CALN1: variants seen among roughly 807,000 people sequenced by gnomAD.
The protein encoded by CALN1 is calcium-binding protein 8.
A neutral mutation model predicts 30.6 loss-of-function variants in CALN1; 17 were observed. The observed-to-expected ratio is 0.56, with a 90% CI of 0.38 to 0.83. The LOEUF (loss-of-function observed/expected upper bound fraction) is 0.83, where lower values mean the gene tolerates loss of function less well. Among genes scored for constraint, CALN1 ranks in the 40% least tolerant of loss-of-function variants. The pLI is 0.00. For missense variants in CALN1, 291 were observed against 354.9 expected, an observed-to-expected ratio of 0.82 and a Z score of 1.45; for synonymous variants, 156 against 131.4, an observed-to-expected ratio of 1.19 and a Z score of -1.28.
At position 71,927,996 on chromosome 7, in the gene CALN1, G is replaced by A. The variant is rs1474608109; in HGVS notation, c.501+95661C>T. On this transcript the variant is annotated intron_variant, in intron 5 of 6. Coordinates refer to ENST00000395275, the MANE Select transcript of CALN1 (RefSeq NM_031468.4). ...CAATGGTCTTTACCTGTGTCCTAGT[G>A]ACCACAAGGTTTGCTCCCCTTCTCC... Among the ~76,000 whole-genome samples the A allele has an allele frequency of 2.0e-5, 3 of 152,074 alleles. No homozygotes were observed. In the East Asian group the frequency reaches 5.8e-4, roughly 29 times the overall value.
At chr7:72,030,313 C>T (rs775922186) in intron 4 of CALN1, among the ~76,000 whole-genome samples, 10 of 152,108 alleles carry the variant, frequency 6.6e-5, no homozygotes, top group Non-Finnish European at 1.5e-4. Flanking sequence ...AGCTGTCTCC[C>T]GATATTTCTC....
intron 1 of CALN1, among the ~76,000 whole-genome samples, chr7:72,437,525 A>AGT (rs9297115): frequency 0.015 from 2,264 of 150,704 alleles, 53 homozygotes; most frequent in African/African-American, 0.048. Context: ...AGTTGTGTGG[A>AGT]GTGTGTGTGT....
chr7:72,091,131 C>G (rs1805830782), intron 4 of CALN1, among the ~76,000 whole-genome samples: 1 of 152,072 alleles, frequency 6.6e-6, no homozygotes, highest in Non-Finnish European at 1.5e-5. Context: ...GAATTTGAGG[C>G]CAGACTGGCC....
intron 5 of CALN1, among the ~76,000 whole-genome samples, chr7:71,831,531 A>C (rs1297370114): frequency 6.6e-6 from 1 of 152,090 alleles, no homozygotes; most frequent in Admixed American, 6.6e-5. Context: ...ATATGATAAG[A>C]ATAACCATAA....
rs35581465 is a variant in CALN1 at position 71,899,145 on chromosome 7, CTT to C, written c.502-88655_502-88654del. Among the ~76,000 whole-genome samples the C allele has an allele frequency of 8.7e-3, 1,184 of 135,488 alleles. 12 individuals are homozygous for C. The highest frequency in any genetic ancestry group is 0.03 in the African/African-American group (1,084 of 36,074). The allele number at this position is 135,488 out of a possible 152,430, so 88.9% of individuals were successfully genotyped here. A position where few individuals can be genotyped will look rare whatever the true frequency, so the allele number is the denominator to read the frequency against. On this transcript the variant is annotated intron_variant, in intron 5 of 6. Transcript: ENST00000395275. The stretch of plus-strand genomic sequence containing the variant: ...CCCTCCCAGGCCCCTGCAGAGACAT[CTT>C]TTTTTTTTTTTTTTTGAGACGGAGT...
chr7:71,987,392 G>A (rs536150974), intron 5 of CALN1, among the ~76,000 whole-genome samples: 10 of 152,316 alleles, frequency 6.6e-5, no homozygotes, highest in African/African-American at 2.2e-4. Context: ...GGCCCCCAGG[G>A]GTGGGCTAGG....
At chr7:72,428,612 A>G (rs1465400875) in intron 1 of CALN1, among the ~76,000 whole-genome samples, 2 of 152,126 alleles carry the variant, frequency 1.3e-5, no homozygotes, top group African/African-American at 4.8e-5. Context: ...GGCTGGTCTC[A>G]GTCAGCACTG....
intron 2 of CALN1, among the ~76,000 whole-genome samples, chr7:72,319,636 T>C (rs1489701610): frequency 6.6e-6 from 1 of 152,108 alleles, no homozygotes; most frequent in Non-Finnish European, 1.5e-5. Context: ...TATCTGTAAG[T>C]GAAATAAGTC....
intron 5 of CALN1, among the ~76,000 whole-genome samples, chr7:71,817,435 T>C (rs1022788860): frequency 6.6e-6 from 1 of 152,262 alleles, no homozygotes; most frequent in African/African-American, 2.4e-5. Flanking sequence ...TCTGCAATTT[T>C]TGGAAACCTA....
chr7:72,095,083 A>C (rs764678653), intron 4 of CALN1, among the ~76,000 whole-genome samples: 1 of 152,178 alleles, frequency 6.6e-6, no homozygotes, highest in Admixed American at 6.5e-5. Context: ...AAAGAATACT[A>C]TATCTAAAAG....
At chr7:72,279,745 G>C (rs778522697) in intron 2 of CALN1, among the ~76,000 whole-genome samples, 4 of 152,318 alleles carry the variant, frequency 2.6e-5, no homozygotes, top group Non-Finnish European at 5.9e-5. Flanking sequence ...AGCAGAAAGA[G>C]CATAGCTCCT....
At chr7:71,934,037 GC>G (rs1795699132) in intron 5 of CALN1, among the ~76,000 whole-genome samples, 1 of 152,184 alleles carries the variant, frequency 6.6e-6, no homozygotes, top group African/African-American at 2.4e-5. Flanking sequence ...TTACAGAACA[GC>G]CAATCTGAGT....
chr7:71,956,623 C>T (rs1232065291), intron 5 of CALN1, among the ~76,000 whole-genome samples: 1 of 151,070 alleles, frequency 6.6e-6, no homozygotes, highest in African/African-American at 2.4e-5. Flanking sequence ...TGTGTCCAGT[C>T]CCAATTTAAA....
intron 5 of CALN1, among the ~76,000 whole-genome samples, chr7:71,812,677 C>CT (rs1016335857): frequency 3.3e-5 from 5 of 152,030 alleles, no homozygotes; most frequent in Middle Eastern, 3.4e-3. Context: ...GCAATTGTTT[C>CT]TTTTTTTTCT....
At chr7:72,184,465 C>T (rs6460705) in intron 3 of CALN1, among the ~76,000 whole-genome samples, 150,811 of 152,358 alleles carry the variant, frequency 0.99, 74,656 homozygotes, top group Middle Eastern at 1. Flanking sequence ...TAATTTATGA[C>T]ATGTGAGCAA....
At chr7:72,174,185 G>A (rs6949014) in intron 3 of CALN1, among the ~76,000 whole-genome samples, 44,655 of 151,982 alleles carry the variant, frequency 0.29, 7,116 homozygotes, top group Non-Finnish European at 0.35. Flanking sequence ...AGAAACAACA[G>A]TTATATACCA....
At position 72,052,868 on chromosome 7, in the gene CALN1, G is replaced by A. The variant is rs544908587; in HGVS notation, c.389-29099C>T. ...AGGGTGGCCAGGTGTGGTGGCTCAC[G>A]CCTGTAATGCCAGCACTTTGGGAGG... On this transcript the variant is annotated intron_variant, in intron 4 of 6. Coordinates refer to ENST00000395275, the MANE Select transcript of CALN1 (RefSeq NM_031468.4). Among the ~76,000 whole-genome samples, 70 of 152,208 alleles carry A rather than the reference G, an allele frequency of 4.6e-4. No individual in the cohort carries two copies. The South Asian group carries it at 0.011, about 24-fold the overall frequency.
At chr7:71,935,687 A>C (rs1430435658) in intron 5 of CALN1, among the ~76,000 whole-genome samples, 3 of 152,122 alleles carry the variant, frequency 2.0e-5, no homozygotes, top group Admixed American at 6.5e-5. Flanking sequence ...GCACCCTTGC[A>C]CTCCGCCTGG....
intron 5 of CALN1, among the ~76,000 whole-genome samples, chr7:71,943,287 T>A (rs151142808): frequency 6.6e-6 from 1 of 152,226 alleles, no homozygotes; most frequent in Admixed American, 6.5e-5. Flanking sequence ...TTTTAAAATA[T>A]AGAGTAGATA....
Sources: allele counts gnomAD v4.1 joint callset (sites outside exome capture counted in the v4.1 genomes callset), GRCh38; gene constraint gnomAD v4.1.1; transcripts MANE v1.5; gene names NCBI Gene and HGNC (gene_info 2026-07-23, HGNC 2026-07-21).